MYO1B: variants seen among roughly 807,000 people sequenced by gnomAD.
MYO1B encodes unconventional myosin-Ib.
MYO1B carries 72 observed loss-of-function variants against 159.7 expected under a neutral mutation model. The observed-to-expected ratio is 0.45, with a 90% CI of 0.37 to 0.55. The LOEUF (loss-of-function observed/expected upper bound fraction) is 0.55, where lower values mean the gene tolerates loss of function less well. Ranked by LOEUF, MYO1B falls within the 20% of genes least tolerant of loss-of-function variation. The probability of loss-of-function intolerance (pLI) is 0.00; values close to 1 mark genes in which losing one functional copy is unlikely to be tolerated. For synonymous variants in MYO1B, 468 were observed against 473.8 expected (o/e 0.99, Z 0.16); for missense variants, 1,062 against 1,364.8 (o/e 0.78, Z 3.50).
chr2:191,277,013 G>A lies in MYO1B; in HGVS notation c.118G>A (p.Asp40Asn), dbSNP rs775392708. The A allele has an allele frequency of 3.7e-6, 6 of 1,613,668 alleles. No homozygotes were observed. The South Asian group carries it at 6.6e-5, about 18-fold the overall frequency. The change falls in exon 2 of 31, where the codon GAC (aspartate) becomes AAC (asparagine). Residue 40 changes from aspartate to asparagine, a missense_variant. Physicochemically the swap from Asp to Asn is conservative, Grantham distance 23 (BLOSUM62 1). Around this residue, in one of 5 missense-constraint regions of MYO1B, gnomAD observed 415 missense variants for 544.0 expected, o/e 0.76. Transcript: ENST00000392318. ...CATCAACAACCTCAAGAAGCGCTTT[G>A]ACCACAGTGAAATATACGTAAGTAC... is the stretch of plus-strand genomic sequence containing the variant. Reference protein sequence around the residue: ...TFINNLKKRFDHSEIYTYIGS... With the variant: ...TFINNLKKRFNHSEIYTYIGS...
intron 1 of MYO1B, among the ~76,000 whole-genome samples, chr2:191,249,289 C>G (rs1231442121): frequency 6.6e-6 from 1 of 152,220 alleles, no homozygotes; most frequent in Admixed American, 6.5e-5. Flanking sequence ...ATTGGAAACA[C>G]TCGCAGCAGC....
intron 3 of MYO1B, among the ~76,000 whole-genome samples, chr2:191,329,181 TG>T (rs761134749): frequency 2.2e-4 from 33 of 152,198 alleles, no homozygotes; most frequent in Non-Finnish European, 3.4e-4. Flanking sequence ...AATTTTGAAG[TG>T]GGGAAGAGCA....
intron 13 of MYO1B, among the ~76,000 whole-genome samples, chr2:191,374,548 G>A (rs971132595): frequency 3.3e-5 from 5 of 152,282 alleles, no homozygotes; most frequent in Middle Eastern, 3.4e-3. Flanking sequence ...GTCTCTGAAC[G>A]GAAGAGGGAA....
At chr2:191,249,206 G>A (rs747331029) in intron 1 of MYO1B, among the ~76,000 whole-genome samples, 25 of 152,244 alleles carry the variant, frequency 1.6e-4, no homozygotes, top group Non-Finnish European at 3.1e-4. Flanking sequence ...GAGACCCGAT[G>A]CCAGAGTGTC....
chr2:191,421,338 G>T (rs1333909406), intron 30 of MYO1B, among the ~76,000 whole-genome samples: 1 of 152,016 alleles, frequency 6.6e-6, no homozygotes, highest in East Asian at 1.9e-4. Context: ...CCAAAGTGCT[G>T]GGATTACTGT....
intron 1 of MYO1B, among the ~76,000 whole-genome samples, chr2:191,264,171 T>C (rs1686984882): frequency 6.6e-6 from 1 of 152,194 alleles, no homozygotes; most frequent in African/African-American, 2.4e-5. Flanking sequence ...CTATTTTCTT[T>C]AAAAATTATT....
intron 1 of MYO1B, among the ~76,000 whole-genome samples, chr2:191,255,770 C>G (rs1686403306): frequency 6.6e-6 from 1 of 152,002 alleles, no homozygotes; most frequent in South Asian, 2.1e-4. Context: ...GGGGCCACTG[C>G]CCACACCCCT....
At chr2:191,397,157 T>TTTTTTGGGGGG (rs869251820) in intron 21 of MYO1B, among the ~76,000 whole-genome samples, 1 of 126,892 alleles carries the variant, frequency 7.9e-6, no homozygotes, top group Non-Finnish European at 1.6e-5. Context: ...TTTTTTTTTT[T>TTTTTTGGGGGG]GTAGGTGGGA....
chr2:191,412,896 A>G (rs1697335181), intron 27 of MYO1B, among the ~76,000 whole-genome samples: 1 of 152,186 alleles, frequency 6.6e-6, no homozygotes, highest in African/African-American at 2.4e-5. Context: ...ACTTCTGTCC[A>G]TTTAGAGGCA....
chr2:191,410,684 G>A (rs1351110502), intron 26 of MYO1B, among the ~76,000 whole-genome samples: 1 of 152,188 alleles, frequency 6.6e-6, no homozygotes, highest in Non-Finnish European at 1.5e-5. Flanking sequence ...TTCTCTGTAT[G>A]TGTGTGGAAA....
intron 13 of MYO1B, among the ~76,000 whole-genome samples, chr2:191,371,742 C>G (rs1017714586): frequency 1.2e-4 from 18 of 152,220 alleles, no homozygotes; most frequent in African/African-American, 4.3e-4. Flanking sequence ...TGGTAAGTCT[C>G]TGACTCCCCT....
Position 191,390,412 on chromosome 2 carries a change from C to G in MYO1B, c.1902C>G (p.Phe634Leu). 6.2e-7 allele frequency: 1 copy of G among 1,614,250 alleles called. No homozygotes were observed. The highest frequency in any genetic ancestry group is 1.7e-5 in the Admixed American group (1 of 60,030). ...GAGTGCGGAGGGCAGGCTACGCCTT[C>G]AGGCAGGCCTATGAACCTTGCCTAG... ...NVRVRRAGYA[F>L]RQAYEPCLER... Residue 634 changes from phenylalanine (F) to leucine (L), a missense_variant, in exon 18 of 31, where the codon TTC (phenylalanine) becomes TTG (leucine). Physicochemically the swap from Phe to Leu is conservative, Grantham distance 22. Coordinates refer to ENST00000392318, the MANE Select transcript of MYO1B (RefSeq NM_001130158.3).
chr2:191,402,776 C>A, intron 24 of MYO1B, 58 bp downstream of exon 24: 1 of 1,310,032 alleles, frequency 7.6e-7, no homozygotes, highest in Non-Finnish European at 1.1e-6. Flanking sequence ...CTAGCACCTA[C>A]TAACCCTGAG....
At chr2:191,245,716 C>T (rs747214222) in intron 1 of MYO1B, 90 bp downstream of exon 1, 1 of 152,252 alleles carries the variant, frequency 6.6e-6, no homozygotes, top group Non-Finnish European at 1.5e-5. Flanking sequence ...CCTTTGTGCC[C>T]GCGGTCCCTG....
intron 22 of MYO1B, 121 bp downstream of exon 22, chr2:191,400,589 T>G: frequency 7.3e-7 from 1 of 1,362,124 alleles, no homozygotes; most frequent in Non-Finnish European, 1.0e-6. Flanking sequence ...CGTGTTTGCT[T>G]CTTGCTCTTT....
At chr2:191,306,357 A>C (rs1689652268) in intron 3 of MYO1B, among the ~76,000 whole-genome samples, 1 of 152,098 alleles carries the variant, frequency 6.6e-6, no homozygotes, top group Non-Finnish European at 1.5e-5. Context: ...TCAGTGATCT[A>C]AGTTCGTGTG....
chr2:191,315,576 T>A lies in MYO1B; in HGVS notation c.252-14359T>A, dbSNP rs557007252. Among the ~76,000 whole-genome samples the A allele has an allele frequency of 1.1e-4, 16 of 152,346 alleles. No individual in the cohort carries two copies. In the East Asian group the frequency reaches 3.1e-3, roughly 29 times the overall value. On this transcript the variant is annotated intron_variant, in intron 3 of 30. Transcript: ENST00000392318. ...GTAGTCAAAGCAAAAAAGGGAAATG[T>A]GATCAGTTACATTATTTTTGCATAT...
chr2:191,331,862 G>T (rs891970888), intron 4 of MYO1B, among the ~76,000 whole-genome samples: 1 of 152,190 alleles, frequency 6.6e-6, no homozygotes, highest in African/African-American at 2.4e-5. Context: ...TCTTGGTCCT[G>T]TTGTTCTGGA....
chr2:191,329,675 A>T (rs1691332328), intron 3 of MYO1B, among the ~76,000 whole-genome samples: 1 of 148,738 alleles, frequency 6.7e-6, no homozygotes, highest in African/African-American at 2.4e-5. Context: ...AGTAAATATT[A>T]TATAAAAAAT....
Sources: gnomAD v4.1 joint callset for allele counts (sites outside exome capture counted in the v4.1 genomes callset) on GRCh38, gnomAD v4.1.1 for gene constraint, gnomAD v4.1.1 regional missense constraint, MANE v1.5 for transcripts, NCBI Gene and HGNC (gene_info 2026-07-23, HGNC 2026-07-21) for gene names.